SORCS3: variants seen among roughly 807,000 people sequenced by gnomAD.
SORCS3 encodes the protein sortilin related VPS10 domain containing receptor 3, also known as VPS10 domain-containing receptor SorCS3.
In SORCS3, 57 loss-of-function variants were observed where a neutral mutation model predicts 146.3. The observed-to-expected ratio is 0.39, with a 90% confidence interval of 0.31 to 0.49. The LOEUF is 0.49. SORCS3 is among the 20% of genes least tolerant of loss of function. The pLI, the probability that SORCS3 is intolerant of heterozygous loss-of-function variation, is 0.92. For synonymous variants in SORCS3, 653 were observed against 618.5 expected (o/e 1.06, Z -0.83); for missense variants, 1,341 against 1,575.5 (o/e 0.85, Z 2.52).
rs184405732 is a variant in SORCS3 at position 104,961,353 on chromosome 10, G to A, written c.796-15982G>A. ...AACCTGCGCCTTAGTCCATCTGATCGTAGAAATCCATGTCTGGGTTTACAT... is the reference window on the plus strand; with the variant it reads ...AACCTGCGCCTTAGTCCATCTGATCATAGAAATCCATGTCTGGGTTTACAT... On this transcript the variant is annotated intron_variant, in intron 3 of 26. Transcript: ENST00000369701. 1.6e-3 allele frequency among the ~76,000 whole-genome samples: 236 copies of A among 152,190 alleles called. 2 individuals are homozygous for A. Among genetic ancestry groups the A allele is most frequent in the African/African-American group, 5.5e-3 (227 of 41,510 alleles).
At chr10:104,933,451 A>T (rs893212016) in intron 3 of SORCS3, among the ~76,000 whole-genome samples, 10 of 152,174 alleles carry the variant, frequency 6.6e-5, no homozygotes, top group Admixed American at 3.3e-4. Flanking sequence ...CAGAGCTCCC[A>T]GCAGAGTACC....
chr10:105,169,203 A>G (rs2056339742), intron 13 of SORCS3, among the ~76,000 whole-genome samples: 1 of 152,056 alleles, frequency 6.6e-6, no homozygotes, highest in East Asian at 1.9e-4. Flanking sequence ...ACCAAGTTCG[A>G]TTTCTGTCAT....
chr10:104,818,885 C>A (rs566085463), intron 1 of SORCS3, among the ~76,000 whole-genome samples: 6 of 151,844 alleles, frequency 4.0e-5, no homozygotes, highest in Non-Finnish European at 7.4e-5. Context: ...CATGCATGAC[C>A]GTGTGGGACT....
chr10:105,024,517 G>A (rs1431618171), intron 4 of SORCS3, among the ~76,000 whole-genome samples: 1 of 152,180 alleles, frequency 6.6e-6, no homozygotes. Flanking sequence ...CCTGAAATAA[G>A]AAGAGAATGG....
intron 1 of SORCS3, among the ~76,000 whole-genome samples, chr10:104,682,650 T>C (rs972063410): frequency 6.6e-6 from 1 of 152,216 alleles, no homozygotes; most frequent in African/African-American, 2.4e-5. Flanking sequence ...CAGGCTGCTC[T>C]GGAAGAGGTT....
chr10:104,782,002 C>T (rs749847966), intron 1 of SORCS3, among the ~76,000 whole-genome samples: 14 of 152,276 alleles, frequency 9.2e-5, no homozygotes, highest in Non-Finnish European at 1.3e-4. Context: ...ACTTATAGAA[C>T]GGGGTGTATG....
At chr10:105,105,260 TG>T in intron 6 of SORCS3, 136 bp from the exon 7 acceptor site, 1 of 580,500 alleles carries the variant, frequency 1.7e-6, no homozygotes, top group Non-Finnish European at 3.0e-6. Flanking sequence ...ATAAATTCTG[TG>T]GACAAAAGCA....
rs2016206587 is a variant in SORCS3 at position 104,696,572 on chromosome 10, TA to T, written c.627+54620del. ...ATATAGAATATATAATATACGTATA[TA>T]ATATATAATATATATTATATACGTA... On this transcript the variant is annotated intron_variant, in intron 1 of 26. Coordinates refer to ENST00000369701, the MANE Select transcript of SORCS3 (RefSeq NM_014978.3). 3.5e-4 allele frequency among the ~76,000 whole-genome samples: 26 copies of T among 75,294 alleles called. 3 individuals carry two copies. Among genetic ancestry groups the T allele is most frequent in the Non-Finnish European group, 5.2e-4 (23 of 44,158 alleles). The allele number at this position is 75,294 out of a possible 152,430, so 49.4% of individuals were successfully genotyped here.
At chr10:104,888,560 T>C (rs912835574) in intron 2 of SORCS3, among the ~76,000 whole-genome samples, 37 of 152,196 alleles carry the variant, frequency 2.4e-4, no homozygotes, top group Non-Finnish European at 4.9e-4. Context: ...ACCTTTTTTT[T>C]CTATGTTGAC....
rs534045574 is a variant in SORCS3 at position 104,872,488 on chromosome 10, C to T, written c.695+29629C>T. ...CTGCAACAATTTACAGTCCTGCTAA[C>T]GTGTCAGCTTCTGGGTCCCATCCTC... is the stretch of plus-strand genomic sequence containing the variant. On this transcript the variant is annotated intron_variant, in intron 2 of 26. Coordinates refer to ENST00000369701, the MANE Select transcript of SORCS3 (RefSeq NM_014978.3). Among the ~76,000 whole-genome samples, 8 of 151,816 alleles carry T rather than the reference C, an allele frequency of 5.3e-5. No individual in the cohort carries two copies. The South Asian group carries it at 6.2e-4, about 12-fold the overall frequency.
chr10:104,791,223 G>A (rs2017492260), intron 1 of SORCS3, among the ~76,000 whole-genome samples: 1 of 152,218 alleles, frequency 6.6e-6, no homozygotes, highest in Non-Finnish European at 1.5e-5. Context: ...TGGTGGAATG[G>A]GAGGCTAGAT....
In SORCS3 at chr10:104,842,813, C is replaced by T. The variant is rs147144663; in HGVS notation, c.649C>T (p.Leu217=). 1.9e-6 allele frequency: 3 copies of T among 1,613,784 alleles called. No homozygotes were observed. Among genetic ancestry groups the T allele is most frequent in the Non-Finnish European group, 2.5e-6 (3 of 1,179,866 alleles). The change falls in exon 2 of 27, where the codon CTG becomes TTG. Residue 217 remains leucine, a synonymous_variant. Coordinates refer to ENST00000369701, the MANE Select transcript of SORCS3 (RefSeq NM_014978.3). ...GCAGGTCATACTTATCCTGACGAAGCTGTATGACTTCAACCTGGGCAGCGT... is the reference window on the plus strand; with the variant it reads ...GCAGGTCATACTTATCCTGACGAAGTTGTATGACTTCAACCTGGGCAGCGT... ...NSSVILILTK[L]YDFNLGSVTE... is the part of the protein sequence containing the mutation.
At chr10:105,010,287 A>G (rs1427200891) in intron 4 of SORCS3, among the ~76,000 whole-genome samples, 1 of 152,222 alleles carries the variant, frequency 6.6e-6, no homozygotes, top group Non-Finnish European at 1.5e-5. Flanking sequence ...CTACTCCCCT[A>G]TACTACTTTT....
At chr10:104,658,327 A>C (rs1393366844) in intron 1 of SORCS3, among the ~76,000 whole-genome samples, 6 of 152,182 alleles carry the variant, frequency 3.9e-5, no homozygotes, top group African/African-American at 1.4e-4. Context: ...CAGAGAGGTC[A>C]CATGTATGCA....
At chr10:105,228,019 G>A (rs559398522) in intron 20 of SORCS3, among the ~76,000 whole-genome samples, 3 of 150,128 alleles carry the variant, frequency 2.0e-5, no homozygotes, top group Non-Finnish European at 4.4e-5. Flanking sequence ...GTGTGTGTGT[G>A]TGTGTGTGTG....
chr10:105,040,476 A>G (rs2133702540), intron 4 of SORCS3, among the ~76,000 whole-genome samples: 2 of 152,286 alleles, frequency 1.3e-5, no homozygotes, highest in South Asian at 4.1e-4. Context: ...GGCCTGGCTC[A>G]AAACATATTT....
At chr10:105,126,392 C>G (rs949574130) in intron 7 of SORCS3, among the ~76,000 whole-genome samples, 23 of 152,148 alleles carry the variant, frequency 1.5e-4, no homozygotes, top group Admixed American at 3.3e-4. Flanking sequence ...TTCTCTCTGA[C>G]TCTCCATTTG....
At chr10:105,095,249 A>G (rs2055737784) in intron 6 of SORCS3, among the ~76,000 whole-genome samples, 2 of 152,238 alleles carry the variant, frequency 1.3e-5, no homozygotes, top group South Asian at 4.1e-4. Flanking sequence ...CCCGATCCAG[A>G]CTAACTTGGC....
chr10:104,752,965 CCAAA>C (rs367697739), intron 1 of SORCS3, among the ~76,000 whole-genome samples: 15,021 of 151,034 alleles, frequency 0.099, 1,217 homozygotes, highest in African/African-American at 0.22. Context: ...AACCAACCAA[CCAAA>C]CAAACAAACA....
Sources: allele counts gnomAD v4.1 joint callset (sites outside exome capture counted in the v4.1 genomes callset), GRCh38; gene constraint gnomAD v4.1.1; transcripts MANE v1.5; gene names NCBI Gene and HGNC (gene_info 2026-07-23, HGNC 2026-07-21).